Variants in NOL4L observed in about 807,000 individuals in gnomAD.
NOL4L encodes the protein nucleolar protein 4 like.
Under a neutral mutation model 64.5 loss-of-function variants are expected in NOL4L, and 7 were observed. The ratio of observed to expected loss-of-function variants is 0.11; its 90% CI spans 0.06 to 0.20. The LOEUF (loss-of-function observed/expected upper bound fraction) is 0.20, where lower values mean the gene tolerates loss of function less well. Among genes scored for constraint, NOL4L ranks in the 10% least tolerant of loss-of-function variants. The pLI is 1.00. For synonymous variants in NOL4L, 413 were observed against 401.0 expected (o/e 1.03, Z -0.36); for missense variants, 680 against 967.1 (o/e 0.70, Z 3.94).
At chr20:32,556,287 T>G (rs1231964427) in intron 1 of NOL4L, among the ~76,000 whole-genome samples, 4 of 135,414 alleles carry the variant, frequency 3.0e-5, no homozygotes, top group African/African-American at 8.3e-5. Context: ...GGGGGGGGGG[T>G]TTCCCTGGAG....
chr20:32,468,772 G>A (rs967623410), intron 5 of NOL4L, among the ~76,000 whole-genome samples: 5 of 151,558 alleles, frequency 3.3e-5, no homozygotes, highest in African/African-American at 7.3e-5. Context: ...GGTGGTGCAC[G>A]CCTGTAATCC....
chr20:32,532,606 T>C (rs1408032446), intron 1 of NOL4L, among the ~76,000 whole-genome samples: 1 of 152,214 alleles, frequency 6.6e-6, no homozygotes, highest in Non-Finnish European at 1.5e-5. Context: ...GCACCTTCCC[T>C]GTAGACTTGG....
At chr20:32,503,889 C>T (rs906904686) in intron 4 of NOL4L, among the ~76,000 whole-genome samples, 3 of 152,020 alleles carry the variant, frequency 2.0e-5, no homozygotes, top group Non-Finnish European at 4.4e-5. Context: ...AGCACTACTC[C>T]CTCTTTTTTA....
At chr20:32,483,466 C>T (rs1443001032) in intron 4 of NOL4L, 13 of 991,378 alleles carry the variant, frequency 1.3e-5, no homozygotes, top group Non-Finnish European at 1.6e-5. Context: ...GCTGCTGCCG[C>T]CGCGGCTGCC....
intron 1 of NOL4L, among the ~76,000 whole-genome samples, chr20:32,534,121 T>C (rs1600847384): frequency 6.6e-6 from 1 of 152,272 alleles, no homozygotes; most frequent in East Asian, 1.9e-4. Context: ...CATCACTATA[T>C]TAGTAGAGTG....
chr20:32,529,632 G>C (rs1343039146), intron 1 of NOL4L, among the ~76,000 whole-genome samples: 1 of 152,214 alleles, frequency 6.6e-6, no homozygotes, highest in Non-Finnish European at 1.5e-5. Flanking sequence ...GAGAGCAGAT[G>C]GGGGGCAAAG....
In NOL4L at chr20:32,445,072, A is replaced by C. The variant is rs2012271618; in HGVS notation, c.*2524T>G. The C allele has an allele frequency of 6.6e-6, 1 of 152,244 alleles. No homozygotes were observed. The highest frequency in any genetic ancestry group is 6.5e-5 in the Admixed American group (1 of 15,288). The allele number at this position is 152,244 out of a possible 1,614,324, so 9.4% of individuals were successfully genotyped here. A position where few individuals can be genotyped will look rare whatever the true frequency, so the allele number is the denominator to read the frequency against. On this transcript the variant is annotated 3_prime_UTR_variant, in exon 11 of 11. Transcript: ENST00000621426. ...TAGTTTCACTGGAAAGGAGGAGCCC[A>C]CCCAAGAGGTGGGGTCGACATGATG...
At chr20:32,541,008 T>TACACACACAC (rs10675320) in intron 1 of NOL4L, among the ~76,000 whole-genome samples, 12,958 of 133,408 alleles carry the variant, frequency 0.097, 852 homozygotes, top group East Asian at 0.22. Context: ...CGCCACCCCC[T>TACACACACAC]ACACACACAC....
chr20:32,523,596 A>C (rs2018020696), intron 2 of NOL4L, among the ~76,000 whole-genome samples: 2 of 152,202 alleles, frequency 1.3e-5, no homozygotes, highest in African/African-American at 4.8e-5. Flanking sequence ...TTTAGATTTA[A>C]GCTGCAGACC....
At chr20:32,567,409 G>A (rs1348293754) in intron 1 of NOL4L, among the ~76,000 whole-genome samples, 1 of 152,182 alleles carries the variant, frequency 6.6e-6, no homozygotes, top group African/African-American at 2.4e-5. Context: ...TGCCTTCCTG[G>A]TGGCCTCCAT....
intron 3 of NOL4L, among the ~76,000 whole-genome samples, chr20:32,513,837 G>A (rs528490297): frequency 1.3e-5 from 2 of 152,228 alleles, no homozygotes; most frequent in South Asian, 4.1e-4. Context: ...CAGAGACTGT[G>A]TCTCAACAAC....
intron 4 of NOL4L, among the ~76,000 whole-genome samples, chr20:32,488,790 CCTTTCTTTCTTTCTTTTTCTTT>C (rs869047773): frequency 0.013 from 523 of 39,608 alleles, 27 homozygotes; most frequent in Middle Eastern, 0.021. Flanking sequence ...TTCCTTCCTT[CCTTTCTTTCTTTCTTTTTCTTT>C]CTTTCTTTCT....
At chr20:32,558,311 A>C (rs915012199) in intron 1 of NOL4L, among the ~76,000 whole-genome samples, 2 of 152,092 alleles carry the variant, frequency 1.3e-5, no homozygotes, top group Non-Finnish European at 2.9e-5. Flanking sequence ...CTCACGATCA[A>C]GAGAGCTGCT....
At chr20:32,517,803 G>A (rs951021786) in intron 3 of NOL4L, among the ~76,000 whole-genome samples, 1 of 152,202 alleles carries the variant, frequency 6.6e-6, no homozygotes, top group Non-Finnish European at 1.5e-5. Context: ...TGCGTCCCAG[G>A]TGCCCTCCAC....
chr20:32,581,570 A>T (rs1257184749), intron 1 of NOL4L, among the ~76,000 whole-genome samples: 4 of 152,148 alleles, frequency 2.6e-5, no homozygotes, highest in Admixed American at 1.3e-4. Flanking sequence ...CCCTGGGGAC[A>T]GAGGCTATAT....
At position 32,453,730 on chromosome 20, in the gene NOL4L, G is replaced by T; in HGVS notation, c.1151C>A (p.Ser384Tyr). ...SPPYSSGSYD[S>Y]IKTEVSGCPE... ...GCAGCCGCTGACCTCGGTCTTGATG[G>T]AATCGTAGCTCCCAGAGCTGTAGGG... The change falls in exon 7 of 11, where the codon TCC (serine) becomes TAC (tyrosine). Residue 384 changes from serine (S) to tyrosine (Y), a missense_variant. This residue lies in a region of NOL4L where 254 missense variants were observed against 238.7 expected (regional missense o/e 1.06). Coordinates refer to ENST00000621426, the MANE Select transcript of NOL4L (RefSeq NM_001256798.2). This position sits in a 1 kb window ranked among gnomAD's most constrained non-coding sequence, Gnocchi z 5.6. 3 of 1,555,618 alleles carry T rather than the reference G, an allele frequency of 1.9e-6. No homozygotes were observed. The highest frequency in any genetic ancestry group is 2.6e-6 in the Non-Finnish European group (3 of 1,149,042).
chr20:32,501,884 ACT>A (rs973936918), intron 4 of NOL4L, among the ~76,000 whole-genome samples: 6 of 152,238 alleles, frequency 3.9e-5, no homozygotes, highest in African/African-American at 1.4e-4. Flanking sequence ...GCAATGACTA[ACT>A]CTGGGGAATC....
At chr20:32,452,137 G>C (rs576935553) in intron 10 of NOL4L, 99 bp downstream of exon 10, 2 of 1,083,692 alleles carry the variant, frequency 1.8e-6, no homozygotes, top group African/African-American at 3.3e-5. Flanking sequence ...TCCATCACTG[G>C]CCTCTGCTTC....
At chr20:32,451,307 C>A (rs892280991) in intron 10 of NOL4L, among the ~76,000 whole-genome samples, 1 of 152,202 alleles carries the variant, frequency 6.6e-6, no homozygotes, top group African/African-American at 2.4e-5. Flanking sequence ...ATGACACAGA[C>A]CACACAATTC....
Sources: gnomAD v4.1 joint callset for allele counts (sites outside exome capture counted in the v4.1 genomes callset) on GRCh38, gnomAD v4.1.1 for gene constraint, gnomAD v4.1.1 regional missense constraint, Gnocchi (gnomAD v3.1) non-coding constraint, MANE v1.5 for transcripts, NCBI Gene and HGNC (gene_info 2026-07-23, HGNC 2026-07-21) for gene names.